Variants in SNX18 observed in about 807,000 individuals in gnomAD.
SNX18 encodes sorting nexin 18, also known as sorting nexin-18.
Under a neutral mutation model 48.7 loss-of-function variants are expected in SNX18, and 35 were observed. The observed-to-expected ratio is 0.72, with a 90% CI of 0.55 to 0.95. The LOEUF (loss-of-function observed/expected upper bound fraction) is 0.95, where lower values mean the gene tolerates loss of function less well. Among genes scored for constraint, SNX18 ranks in the 40% least tolerant of loss-of-function variants. The probability of loss-of-function intolerance (pLI) is 0.00; values close to 1 mark genes in which losing one functional copy is unlikely to be tolerated. For synonymous variants in SNX18, 492 were observed against 384.7 expected, an observed-to-expected ratio of 1.28 and a Z score of -3.26; for missense variants, 824 against 871.0, an observed-to-expected ratio of 0.95 and a Z score of 0.68.
intron 1 of SNX18, among the ~76,000 whole-genome samples, chr5:54,524,459 C>T (rs1354027386): frequency 6.6e-6 from 1 of 152,202 alleles, no homozygotes; most frequent in Non-Finnish European, 1.5e-5. Flanking sequence ...GTCTGGCCAT[C>T]TTAGGACTTC....
chr5:54,581,088 CAGTT>C, the SNX18 span, among the ~76,000 whole-genome samples: 92 of 152,194 alleles, frequency 6.0e-4, 1 homozygote, highest in African/African-American at 2.1e-3. Flanking sequence ...AGCAGAGGGC[CAGTT>C]AAAGAGCCCT....
the SNX18 span, among the ~76,000 whole-genome samples, chr5:54,621,989 C>T: frequency 2.0e-5 from 3 of 152,198 alleles, no homozygotes; most frequent in East Asian, 5.8e-4. Context: ...TGGTAATAAT[C>T]CGGTCTGAAT....
chr5:54,613,568 G>A, the SNX18 span, among the ~76,000 whole-genome samples: 1 of 152,118 alleles, frequency 6.6e-6, no homozygotes, highest in Non-Finnish European at 1.5e-5. Flanking sequence ...CAAGAACTTT[G>A]GAGGACACAT....
the SNX18 span, among the ~76,000 whole-genome samples, chr5:54,624,925 C>T: frequency 1.5e-3 from 226 of 152,286 alleles, no homozygotes; most frequent in Admixed American, 4.4e-3. Context: ...TGCAAAGTTT[C>T]TTGGAAGCCA....
At position 54,518,571 on chromosome 5, in the gene SNX18, G is replaced by GGCGGCTCGGTCCCCCCGCA; in HGVS notation, c.622_640dup (p.His214ArgfsTer144). On this transcript the variant is annotated frameshift_variant, in exon 1 of 2. Transcript: ENST00000381410. LOFTEE classifies it high-confidence loss of function. ...CTCCGACCTGTCCCTGGGTTCCCGC[G>GGCGGCTCGGTCCCCCCGCA]GCGGCTCGGTCCCCCCGCAGCACCA... 6.3e-7 allele frequency: 1 copy of GGCGGCTCGGTCCCCCCGCA among 1,580,000 alleles called. No individual in the cohort carries two copies. The highest frequency in any genetic ancestry group is 1.2e-5 in the South Asian group (1 of 86,096).
At chr5:54,627,563 T>C in the SNX18 span, among the ~76,000 whole-genome samples, 7 of 152,120 alleles carry the variant, frequency 4.6e-5, no homozygotes, top group Non-Finnish European at 8.8e-5. Flanking sequence ...GGTTCATAAG[T>C]TGGGGCCCTC....
At chr5:54,535,194 CTT>C (rs1561119603) in intron 1 of SNX18, among the ~76,000 whole-genome samples, 1 of 152,134 alleles carries the variant, frequency 6.6e-6, no homozygotes, top group African/African-American at 2.4e-5. Context: ...TTGCTTTGGT[CTT>C]TTCAGCCTGA....
chr5:54,597,175 TA>T, the SNX18 span, among the ~76,000 whole-genome samples: 1 of 151,992 alleles, frequency 6.6e-6, no homozygotes, highest in Non-Finnish European at 1.5e-5. Context: ...TACATATTGG[TA>T]AAGCGGAGCT....
At chr5:54,593,038 T>C in the SNX18 span, among the ~76,000 whole-genome samples, 1 of 151,976 alleles carries the variant, frequency 6.6e-6, no homozygotes. Flanking sequence ...TGACCTCATG[T>C]GATCCACACG....
the SNX18 span, among the ~76,000 whole-genome samples, chr5:54,605,927 G>A: frequency 6.6e-6 from 1 of 152,238 alleles, no homozygotes; most frequent in South Asian, 2.1e-4. Context: ...GCCTCCCAAA[G>A]CGTTTGGATT....
the SNX18 span, among the ~76,000 whole-genome samples, chr5:54,591,400 A>T: frequency 2.0e-5 from 3 of 152,186 alleles, no homozygotes; most frequent in Admixed American, 2.0e-4. Flanking sequence ...TATATTGCCC[A>T]GGCTGGTCTC....
chr5:54,596,543 G>A, the SNX18 span, among the ~76,000 whole-genome samples: 4 of 152,166 alleles, frequency 2.6e-5, no homozygotes, highest in African/African-American at 9.6e-5. Flanking sequence ...AATAAATGAA[G>A]AAGTGAAGTT....
the SNX18 span, among the ~76,000 whole-genome samples, chr5:54,628,480 G>A: frequency 2.8e-4 from 43 of 152,242 alleles, no homozygotes; most frequent in African/African-American, 9.9e-4. Context: ...ACTGGATTCT[G>A]TCTATGCCTC....
chr5:54,573,735 C>G, the SNX18 span, among the ~76,000 whole-genome samples: 1 of 152,104 alleles, frequency 6.6e-6, no homozygotes, highest in East Asian at 1.9e-4. Context: ...AGCCACACTT[C>G]AGGAAGAGTA....
chr5:54,641,311 T>C, the SNX18 span, among the ~76,000 whole-genome samples: 2 of 152,234 alleles, frequency 1.3e-5, no homozygotes, highest in African/African-American at 2.4e-5. Context: ...ACATATTATA[T>C]GTGTATGTGT....
At position 54,518,518 on chromosome 5, in the gene SNX18, C is replaced by T; in HGVS notation, c.566C>T (p.Ala189Val). 1 of 1,552,436 alleles carries T rather than the reference C, an allele frequency of 6.4e-7. No homozygotes were observed. Among genetic ancestry groups the T allele is most frequent in the Non-Finnish European group, 8.7e-7 (1 of 1,149,430 alleles). ...GGCTCGTCTTCGGCGGGTGTGGGCG[C>T]AGCCGGCCGCTACCGCCTGTCCACG... ...LDGSSSAGVG[A>V]AGRYRLSTRS... is the part of the protein sequence containing the mutation. Residue 189 changes from alanine to valine, a missense_variant, in exon 1 of 2, where the codon GCA (alanine) becomes GTA (valine). Coordinates refer to ENST00000381410, the MANE Select transcript of SNX18 (RefSeq NM_001102575.2).
At chr5:54,608,718 C>T in the SNX18 span, among the ~76,000 whole-genome samples, 13 of 152,246 alleles carry the variant, frequency 8.5e-5, no homozygotes, top group East Asian at 1.9e-4. Context: ...TAGTTGTGTA[C>T]GACTGTAGCA....
At chr5:54,639,741 C>T in the SNX18 span, among the ~76,000 whole-genome samples, 1 of 152,252 alleles carries the variant, frequency 6.6e-6, no homozygotes, top group East Asian at 1.9e-4. Flanking sequence ...AGAAACAAAG[C>T]TTATCTAGGC....
the SNX18 span, among the ~76,000 whole-genome samples, chr5:54,599,248 A>G: frequency 6.6e-6 from 1 of 152,120 alleles, no homozygotes; most frequent in South Asian, 2.1e-4. Context: ...CAAAGAGAGT[A>G]AAATACCTAA....
Sources: gnomAD v4.1 joint callset for allele counts (sites outside exome capture counted in the v4.1 genomes callset) on GRCh38, gnomAD v4.1.1 for gene constraint, MANE v1.5 for transcripts, NCBI Gene and HGNC (gene_info 2026-07-23, HGNC 2026-07-21) for gene names.